Variants in TAF15 observed in about 807,000 individuals in gnomAD.
TAF15 encodes TATA-binding protein-associated factor 2N.
TAF15 carries 37 observed loss-of-function variants against 102.5 expected under a neutral mutation model. That is an observed-to-expected ratio of 0.36 (90% CI 0.28 to 0.47). The LOEUF (loss-of-function observed/expected upper bound fraction) is 0.47, where lower values mean the gene tolerates loss of function less well. TAF15 is among the 20% of genes least tolerant of loss of function. TAF15 has a pLI of 0.99. For synonymous variants in TAF15, 273 were observed against 259.2 expected (o/e 1.05, Z -0.51); for missense variants, 652 against 760.7 (o/e 0.86, Z 1.68).
intron 7 of TAF15, among the ~76,000 whole-genome samples, chr17:35,828,676 A>G (rs1176472349): frequency 6.6e-6 from 1 of 151,704 alleles, no homozygotes; most frequent in Non-Finnish European, 1.5e-5. Context: ...GGCTGCAGTG[A>G]GCTATGATTG....
intron 1 of TAF15, among the ~76,000 whole-genome samples, chr17:35,812,601 A>C (rs1325631130): frequency 6.6e-6 from 1 of 150,700 alleles, no homozygotes; most frequent in Non-Finnish European, 1.5e-5. Context: ...AAAAAAAAAA[A>C]AAAAACCTGA....
At chr17:35,816,837 T>G (rs950402992) in intron 1 of TAF15, 1 of 142,808 alleles carries the variant, frequency 7.0e-6, no homozygotes, top group Non-Finnish European at 1.5e-5. Flanking sequence ...TTTTTTTTTT[T>G]TTTTTTGAGA....
At chr17:35,826,426 A>G (rs933377536) in intron 7 of TAF15, among the ~76,000 whole-genome samples, 2 of 152,154 alleles carry the variant, frequency 1.3e-5, no homozygotes, top group East Asian at 1.9e-4. Context: ...GGTGAACCAT[A>G]TGGTTTCTAT....
intron 1 of TAF15, 123 bp from the exon 2 acceptor site, chr17:35,817,589 TTGAG>T (rs1202012601): frequency 1.3e-6 from 1 of 787,672 alleles, no homozygotes; most frequent in African/African-American, 1.8e-5. Context: ...AGTATTTAAC[TTGAG>T]TTAGTTTTTC....
At chr17:35,829,487 C>A (rs150101962) in intron 7 of TAF15, among the ~76,000 whole-genome samples, 5,672 of 150,752 alleles carry the variant, frequency 0.038, 197 homozygotes, top group South Asian at 0.17. Flanking sequence ...AAAAAATTAG[C>A]CGGGCGTGGT....
intron 11 of TAF15, among the ~76,000 whole-genome samples, chr17:35,839,047 G>C (rs2087509310): frequency 6.6e-6 from 1 of 151,812 alleles, no homozygotes; most frequent in South Asian, 2.1e-4. Flanking sequence ...AGGAGGATCA[G>C]TTCAGCTCAG....
chr17:35,833,804 TTCC>T, intron 7 of TAF15, 100 bp from the exon 8 acceptor site: 1 of 1,193,346 alleles, frequency 8.4e-7, no homozygotes, highest in South Asian at 1.2e-5. Flanking sequence ...TGCTACTGTT[TTCC>T]TAAGCACTCT....
intron 9 of TAF15, among the ~76,000 whole-genome samples, 200 bp downstream of exon 9, chr17:35,834,798 T>C (rs911742813): frequency 1.8e-4 from 26 of 140,836 alleles, no homozygotes; most frequent in African/African-American, 7.1e-4. Context: ...CAGGCTGGAG[T>C]GCAGTGGCAC....
At chr17:35,845,105 C>G in intron 15 of TAF15, 67 bp downstream of exon 15, 2 of 1,597,600 alleles carry the variant, frequency 1.3e-6, no homozygotes, top group Non-Finnish European at 1.7e-6. Flanking sequence ...ATTTGAACCA[C>G]ATTTTAACAA....
chr17:35,845,728 C>G (rs1008138106), intron 15 of TAF15, among the ~76,000 whole-genome samples: 5 of 152,222 alleles, frequency 3.3e-5, no homozygotes, highest in Non-Finnish European at 7.3e-5. Flanking sequence ...ACCTCGTGAT[C>G]CACCCGCCTC....
intron 7 of TAF15, among the ~76,000 whole-genome samples, chr17:35,828,208 G>C (rs1254797988): frequency 6.6e-6 from 1 of 152,128 alleles, no homozygotes; most frequent in African/African-American, 2.4e-5. Flanking sequence ...AAATACACAT[G>C]TATACAAGGG....
rs2087472419 is a variant in TAF15, at chr17:35,836,196, T to C, written c.738T>C (p.Ser246=). The C allele has an allele frequency of 6.2e-7, 1 of 1,613,572 alleles. No homozygotes were observed. Among genetic ancestry groups the C allele is most frequent in the Admixed American group, 1.7e-5 (1 of 60,000 alleles). ...IFVQGLGEGV[S]TDQVGEFFKQ... ...TGCAAGGACTTGGGGAGGGTGTGTCTACAGATCAAGTTGGGGAGTTCTTTA... is the reference window on the plus strand; with the variant it reads ...TGCAAGGACTTGGGGAGGGTGTGTCCACAGATCAAGTTGGGGAGTTCTTTA... The change falls in exon 10 of 16, where the codon TCT becomes TCC. Residue 246 remains serine (S), a synonymous_variant. Transcript: ENST00000605844.
At chr17:35,823,855 A>G in intron 6 of TAF15, 1 of 618,400 alleles carries the variant, frequency 1.6e-6, no homozygotes, top group South Asian at 1.9e-5. Context: ...ACACAGATAC[A>G]TTACTGTTTT....
At chr17:35,819,195 C>A (rs2087230383) in intron 2 of TAF15, among the ~76,000 whole-genome samples, 1 of 152,108 alleles carries the variant, frequency 6.6e-6, no homozygotes, top group South Asian at 2.1e-4. Flanking sequence ...AGGTATCTAG[C>A]AAAATGTTTA....
At chr17:35,844,235 C>T in intron 13 of TAF15, 45 bp from the exon 14 acceptor site, 1 of 1,611,218 alleles carries the variant, frequency 6.2e-7, no homozygotes, top group Non-Finnish European at 8.5e-7. Flanking sequence ...GGTTCTGAGT[C>T]CATTAGAAAC....
Position 35,844,158 on chromosome 17 carries a change from C to T in TAF15, c.1088C>T (p.Pro363Leu), listed in dbSNP as rs143482731. ...PKSGDWVCPN[P>L]SCGNMNFARR... ...AGTGGGGATTGGGTTTGCCCTAATC[C>T]GTAAGTGTCTTGTTTACTTTGGTGA... The change falls in exon 13 of 16, where the codon CCG becomes CTG. Residue 363 changes from proline to leucine, a missense_variant and splice_region_variant. This residue lies in a region of TAF15 where 368 missense variants were observed against 367.5 expected (regional missense o/e 1.00). Coordinates refer to ENST00000605844, the MANE Select transcript of TAF15 (RefSeq NM_139215.3). The T allele has an allele frequency of 1.3e-5, 21 of 1,613,678 alleles. No individual in the cohort carries two copies. The highest frequency in any genetic ancestry group is 4.0e-5 in the African/African-American group (3 of 74,794).
At chr17:35,813,144 A>G (rs939466741) in intron 1 of TAF15, among the ~76,000 whole-genome samples, 1 of 151,192 alleles carries the variant, frequency 6.6e-6, no homozygotes, top group African/African-American at 2.4e-5. Context: ...AAAAAAGATC[A>G]AGGTGTTAAT....
intron 1 of TAF15, among the ~76,000 whole-genome samples, chr17:35,814,775 C>T (rs1311941406): frequency 6.6e-6 from 1 of 151,604 alleles, no homozygotes; most frequent in Non-Finnish European, 1.5e-5. Flanking sequence ...GTTGTTTGAA[C>T]CTGGGAAGCA....
chr17:35,845,475 C>T (rs147821920), intron 15 of TAF15, among the ~76,000 whole-genome samples: 3,244 of 152,198 alleles, frequency 0.021, 68 homozygotes, highest in East Asian at 0.11. Flanking sequence ...AGGCTGGTCT[C>T]AAACTCCTGG....
Sources: allele counts gnomAD v4.1 joint callset (sites outside exome capture counted in the v4.1 genomes callset), GRCh38; gene constraint gnomAD v4.1.1; regional missense constraint gnomAD v4.1.1; transcripts MANE v1.5; gene names NCBI Gene and HGNC (gene_info 2026-07-23, HGNC 2026-07-21).